Variants in MEGF6 observed in about 807,000 individuals in gnomAD.
MEGF6 encodes the protein multiple epidermal growth factor-like domains protein 6.
MEGF6 carries 184 observed loss-of-function variants against 207.1 expected under a neutral mutation model. That is an observed-to-expected ratio of 0.89 (90% CI 0.79 to 1.00). The LOEUF (loss-of-function observed/expected upper bound fraction) is 1.00, where lower values mean the gene tolerates loss of function less well. MEGF6 is among the 50% of genes least tolerant of loss of function. MEGF6 has a pLI of 0.00. For missense variants in MEGF6, 2,282 were observed against 2,202.9 expected, an observed-to-expected ratio of 1.04 and a Z score of -0.72; for synonymous variants, 1,038 against 910.0, an observed-to-expected ratio of 1.14 and a Z score of -2.53.
intron 2 of MEGF6, among the ~76,000 whole-genome samples, chr1:3,599,194 G>A (rs1306614159): frequency 3.3e-5 from 5 of 152,330 alleles, no homozygotes; most frequent in East Asian, 1.9e-4. Flanking sequence ...AATCCTCACC[G>A]CTGCTGTGAG....
chr1:3,495,991 T>C lies in MEGF6; in HGVS notation c.3770A>G (p.Asn1257Ser). 2 of 1,552,198 alleles carry C rather than the reference T, an allele frequency of 1.3e-6. No individual in the cohort carries two copies. The highest frequency in any genetic ancestry group is 1.7e-6 in the Non-Finnish European group (2 of 1,156,324). ...CCCACACCCACACACGTGGGTGCAG[T>C]TGGGGCCGAAGCGGCCCTGCGGACA... ...LTCPQGRFGP[N>S]CTHVCGCGQG... Residue 1257 changes from asparagine to serine, a missense_variant, in exon 30 of 37, where the codon AAC (asparagine) becomes AGC (serine). Asn to Ser is a conservative substitution (Grantham distance 46). Coordinates refer to ENST00000356575, the MANE Select transcript of MEGF6 (RefSeq NM_001409.4).
At chr1:3,613,889 CCT>C (rs1411471457), upstream of MEGF6, among the ~76,000 whole-genome samples, 1 of 150,812 alleles carries the variant, frequency 6.6e-6, no homozygotes, top group Non-Finnish European at 1.5e-5. Flanking sequence ...TGTGCTCTCC[CCT>C]GTCCCAGGCA....
intron 2 of MEGF6, among the ~76,000 whole-genome samples, 184 bp downstream of exon 2, chr1:3,602,282 C>T (rs1210492360): frequency 6.6e-6 from 1 of 152,246 alleles, no homozygotes; most frequent in Non-Finnish European, 1.5e-5. Flanking sequence ...ATGTGAGTAG[C>T]CCCATGGCAG....
At chr1:3,531,118 T>A (rs1376090344) in intron 4 of MEGF6, 1 of 1,527,850 alleles carries the variant, frequency 6.5e-7, no homozygotes, top group African/African-American at 1.4e-5. Context: ...GTAGCCGGCC[T>A]GGCCCAGGTG....
intron 4 of MEGF6, among the ~76,000 whole-genome samples, chr1:3,541,947 A>G (rs963751622): frequency 9.9e-5 from 15 of 152,226 alleles, no homozygotes; most frequent in African/African-American, 3.6e-4. Context: ...AGACACTCCG[A>G]TGAAAACCCA....
At chr1:3,537,632 G>A (rs556333716) in intron 4 of MEGF6, among the ~76,000 whole-genome samples, 107 of 152,352 alleles carry the variant, frequency 7.0e-4, no homozygotes, top group African/African-American at 2.3e-3. Flanking sequence ...GGGAGAAGGC[G>A]GGTGTGGCCA....
chr1:3,604,825 G>A (rs1644218489), intron 1 of MEGF6, among the ~76,000 whole-genome samples: 2 of 152,092 alleles, frequency 1.3e-5, no homozygotes, highest in Non-Finnish European at 2.9e-5. Flanking sequence ...TGAGAATAGG[G>A]GAGGGGGCAG....
the MEGF6 span, among the ~76,000 whole-genome samples, chr1:3,622,529 T>A: frequency 6.6e-6 from 1 of 152,216 alleles, no homozygotes; most frequent in Non-Finnish European, 1.5e-5. Context: ...TCAAACATGA[T>A]GATGATCGAC....
At position 3,560,506 on chromosome 1, in the gene MEGF6, G is replaced by A. The variant is rs373426083; in HGVS notation, c.481+19319C>T. On this transcript the variant is annotated intron_variant, in intron 4 of 36. Coordinates refer to ENST00000356575, the MANE Select transcript of MEGF6 (RefSeq NM_001409.4). The surrounding 1 kb of genome is among the most constrained non-coding windows in gnomAD (Gnocchi z 4.0). ...CCCCTGGCACCTCTGCTGTCTCTAC[G>A]GTGTGGCCTTTCCCAGCAGTGTGTG... 5.8e-4 allele frequency among the ~76,000 whole-genome samples: 88 copies of A among 152,246 alleles called. No individual in the cohort carries two copies. Among genetic ancestry groups the A allele is most frequent in the Middle Eastern group, 3.4e-3 (1 of 294 alleles).
intron 4 of MEGF6, among the ~76,000 whole-genome samples, chr1:3,550,296 T>C (rs564272442): frequency 1.3e-5 from 2 of 152,272 alleles, no homozygotes; most frequent in East Asian, 3.9e-4. Context: ...CAGCGGGTGA[T>C]GAAGACAGAC....
intron 4 of MEGF6, among the ~76,000 whole-genome samples, chr1:3,531,783 A>G (rs1220787520): frequency 1.3e-5 from 2 of 150,802 alleles, no homozygotes; most frequent in African/African-American, 2.5e-5. Flanking sequence ...AAGCCAAAGC[A>G]GCAAAGGGAG....
chr1:3,578,551 C>T (rs1193804612), intron 4 of MEGF6, among the ~76,000 whole-genome samples: 1 of 151,726 alleles, frequency 6.6e-6, no homozygotes, highest in Non-Finnish European at 1.5e-5. Flanking sequence ...GGGGGGGGCC[C>T]TTTCGTCCAC....
At chr1:3,538,036 A>T (rs1458208129) in intron 4 of MEGF6, among the ~76,000 whole-genome samples, 1 of 152,174 alleles carries the variant, frequency 6.6e-6, no homozygotes, top group Non-Finnish European at 1.5e-5. Context: ...AGGTACTAGA[A>T]GGAGGCCACT....
chr1:3,494,901 C>T (rs937525125), intron 30 of MEGF6, among the ~76,000 whole-genome samples, 160 bp from the exon 31 acceptor site: 8 of 152,242 alleles, frequency 5.3e-5, no homozygotes, highest in Non-Finnish European at 1.0e-4. Context: ...GGAGTGGCAC[C>T]AGCCGCATCC....
chr1:3,539,078 G>A (rs1642421392), intron 4 of MEGF6, among the ~76,000 whole-genome samples: 1 of 152,224 alleles, frequency 6.6e-6, no homozygotes, highest in Non-Finnish European at 1.5e-5. Flanking sequence ...CAAGAGCCCA[G>A]TAGGATCCCA....
At position 3,578,190 on chromosome 1, in the gene MEGF6, T is replaced by C. The variant is rs1352968130; in HGVS notation, c.481+1635A>G. Among the ~76,000 whole-genome samples, 3 of 152,316 alleles carry C rather than the reference T, an allele frequency of 2.0e-5. No individual in the cohort carries two copies. In the East Asian group the frequency reaches 5.8e-4, roughly 29 times the overall value. On this transcript the variant is annotated intron_variant, in intron 4 of 36. Coordinates refer to ENST00000356575, the MANE Select transcript of MEGF6 (RefSeq NM_001409.4). ...TAGGAACAGAGACCACAGGAGGCTC[T>C]GCTTGGCCGACCAGTGAGCCACAGC...
intron 1 of MEGF6, among the ~76,000 whole-genome samples, chr1:3,609,017 G>A (rs1038943917): frequency 6.6e-6 from 1 of 152,204 alleles, no homozygotes; most frequent in Non-Finnish European, 1.5e-5. Flanking sequence ...TGGCAGTAAC[G>A]CTTCAACTCA....
At chr1:3,500,348 G>A (rs902732849) in intron 21 of MEGF6, among the ~76,000 whole-genome samples, 2 of 152,254 alleles carry the variant, frequency 1.3e-5, no homozygotes, top group Non-Finnish European at 2.9e-5. Flanking sequence ...GGTGCAGGTC[G>A]GTGAGAGGGT....
intron 14 of MEGF6, among the ~76,000 whole-genome samples, chr1:3,507,370 T>TA (rs1161515583): frequency 6.6e-6 from 1 of 152,170 alleles, no homozygotes; most frequent in African/African-American, 2.4e-5. Context: ...TCAGAGTTAA[T>TA]AAGGGAGCCA....
Sources: allele counts gnomAD v4.1 joint callset (sites outside exome capture counted in the v4.1 genomes callset), GRCh38; gene constraint gnomAD v4.1.1; non-coding constraint Gnocchi (gnomAD v3.1); transcripts MANE v1.5; gene names NCBI Gene and HGNC (gene_info 2026-07-23, HGNC 2026-07-21).